Variants in HEATR4 observed in about 807,000 individuals in gnomAD.
HEATR4 encodes HEAT repeat-containing protein 4.
A neutral mutation model predicts 108.8 loss-of-function variants in HEATR4; 95 were observed. The observed-to-expected ratio is 0.87, with a 90% confidence interval of 0.74 to 1.04. The LOEUF (loss-of-function observed/expected upper bound fraction) is 1.04, where lower values mean the gene tolerates loss of function less well. Ranked by LOEUF, HEATR4 falls within the 50% of genes least tolerant of loss-of-function variation. HEATR4 has a pLI of 0.00. For synonymous variants in HEATR4, 443 were observed against 459.4 expected, an observed-to-expected ratio of 0.96 and a Z score of 0.46; for missense variants, 1,152 against 1,253.8, an observed-to-expected ratio of 0.92 and a Z score of 1.23.
intron 1 of HEATR4, among the ~76,000 whole-genome samples, chr14:73,533,446 AGG>A: frequency 8.7e-6 from 1 of 115,348 alleles, no homozygotes; most frequent in Admixed American, 9.8e-5. Context: ...TGGGAGGCCG[AGG>A]AGGGTAGATC....
intron 17 of HEATR4, chr14:73,491,439 G>A: frequency 3.6e-6 from 5 of 1,376,260 alleles, no homozygotes; most frequent in Non-Finnish European, 4.6e-6. Flanking sequence ...GCGCCGGTCC[G>A]GGTGGTGGAG....
intron 10 of HEATR4, 28 bp from the exon 11 acceptor site, chr14:73,503,041 C>G: frequency 1.3e-6 from 2 of 1,497,998 alleles, no homozygotes; most frequent in Non-Finnish European, 1.9e-6. Context: ...CATTAGGTAT[C>G]ATCACTTAAT....
chr14:73,500,222 T>A (rs1269993508), intron 12 of HEATR4, among the ~76,000 whole-genome samples: 1 of 151,104 alleles, frequency 6.6e-6, no homozygotes, highest in Admixed American at 6.6e-5. Flanking sequence ...AGAGCGAGAC[T>A]CCGTCTCAAA....
chr14:73,625,750 G>A, the HEATR4 span, among the ~76,000 whole-genome samples: 1 of 152,162 alleles, frequency 6.6e-6, no homozygotes, highest in Admixed American at 6.6e-5. Flanking sequence ...CACATAAGAT[G>A]GTGAACTTAA....
At chr14:73,600,194 A>G in the HEATR4 span, among the ~76,000 whole-genome samples, 17 of 152,090 alleles carry the variant, frequency 1.1e-4, no homozygotes, top group Non-Finnish European at 1.9e-4. Context: ...GCCTGTAGCA[A>G]CTCTGAAACA....
At chr14:73,485,868 C>CAAA (rs60903942) in intron 17 of HEATR4, among the ~76,000 whole-genome samples, 58 of 146,498 alleles carry the variant, frequency 4.0e-4, no homozygotes, top group Non-Finnish European at 5.7e-4. Flanking sequence ...GACTCTGTCT[C>CAAA]AAAAAAAAAA....
the HEATR4 span, among the ~76,000 whole-genome samples, chr14:73,633,005 C>T: frequency 3.5e-3 from 221 of 63,494 alleles, 2 homozygotes; most frequent in Admixed American, 5.8e-3. Context: ...CTCTCTCTCT[C>T]TCTTTTTTTT....
chr14:73,561,649 A>G (rs1889532803), upstream of HEATR4, among the ~76,000 whole-genome samples: 1 of 151,686 alleles, frequency 6.6e-6, no homozygotes, highest in Admixed American at 6.6e-5. Context: ...GCACCACTCC[A>G]CCCCAGCCGG....
chr14:73,587,357 C>CTTT, the HEATR4 span, among the ~76,000 whole-genome samples: 1 of 147,496 alleles, frequency 6.8e-6, no homozygotes. Context: ...GCAACATCCA[C>CTTT]TTTTTTTTTT....
At chr14:73,569,702 G>T in the HEATR4 span, 10 of 1,609,488 alleles carry the variant, frequency 6.2e-6, no homozygotes, top group Non-Finnish European at 8.5e-6. Context: ...CTTTGGTGCG[G>T]CTGGTGAAGC....
chr14:73,589,926 G>A, the HEATR4 span, among the ~76,000 whole-genome samples: 1 of 152,140 alleles, frequency 6.6e-6, no homozygotes, highest in Non-Finnish European at 1.5e-5. Flanking sequence ...CGGCATGTCT[G>A]GAGTTGTTCG....
At chr14:73,614,682 G>A in the HEATR4 span, among the ~76,000 whole-genome samples, 1 of 151,032 alleles carries the variant, frequency 6.6e-6, no homozygotes, top group East Asian at 1.9e-4. Context: ...GGGAGGCTGA[G>A]GTTGCAGTGA....
the HEATR4 span, among the ~76,000 whole-genome samples, chr14:73,583,630 C>CA: frequency 6.6e-6 from 1 of 152,094 alleles, no homozygotes; most frequent in African/African-American, 2.4e-5. Flanking sequence ...CCTGATGATC[C>CA]ACAGCTGTTA....
the HEATR4 span, chr14:73,596,644 G>T: frequency 6.6e-6 from 1 of 152,060 alleles, no homozygotes; most frequent in Non-Finnish European, 1.5e-5. Context: ...TGTTGCCCAG[G>T]CTGGAGTGCA....
chr14:73,499,256 G>C, intron 12 of HEATR4, 116 bp from the exon 13 acceptor site: 1 of 843,916 alleles, frequency 1.2e-6, no homozygotes, highest in East Asian at 2.5e-5. Context: ...CAAGGTGGGC[G>C]GATCACTTGA....
chr14:73,614,738 C>T, the HEATR4 span, among the ~76,000 whole-genome samples: 1 of 112,842 alleles, frequency 8.9e-6, no homozygotes, highest in Non-Finnish European at 1.8e-5. Context: ...CAGAGCGAGA[C>T]CCTGTCTCAA....
chr14:73,583,418 T>A, the HEATR4 span, among the ~76,000 whole-genome samples: 2 of 151,274 alleles, frequency 1.3e-5, no homozygotes, highest in African/African-American at 4.9e-5. Flanking sequence ...AACCAATCAA[T>A]AAGCCCAATT....
At position 73,557,804 on chromosome 14, in the gene HEATR4, C is replaced by T. The variant is rs1889422924; in HGVS notation, c.-152+947G>A. On this transcript the variant is annotated intron_variant, in intron 1 of 17. Transcript: ENST00000553558. The stretch of plus-strand genomic sequence containing the variant: ...TCCCAGGCTCAAGCAATCCTCCTGC[C>T]TCAGCGTCCCCAGTAGCTGGGACCA... 3.6e-5 allele frequency among the ~76,000 whole-genome samples: 3 copies of T among 82,368 alleles called. 1 individual carries two copies. Among genetic ancestry groups the T allele is most frequent in the African/African-American group, 1.2e-4 (3 of 25,400 alleles). The allele number at this position is 82,368 out of a possible 152,430, so 54.0% of individuals were successfully genotyped here. A position where few individuals can be genotyped will look rare whatever the true frequency, so the allele number is the denominator to read the frequency against.
rs200061659 is a variant in HEATR4, at chr14:73,492,870, A to G, written c.2844+196T>C. 3.1e-4 allele frequency: 506 copies of G among 1,613,864 alleles called. No individual in the cohort carries two copies. The highest frequency in any genetic ancestry group is 4.0e-4 in the Non-Finnish European group (473 of 1,179,856). On this transcript the variant is annotated intron_variant, in intron 17 of 17. Coordinates refer to ENST00000553558, the MANE Select transcript of HEATR4 (RefSeq NM_001220484.1). This position sits in a 1 kb window ranked among gnomAD's most constrained non-coding sequence, Gnocchi z 4.9. ...GACCTGCCCTGTGACAGTGTGGAGGACCAGCTGTCCTTGGCAACCACGTTG... is the reference window on the plus strand; with the variant it reads ...GACCTGCCCTGTGACAGTGTGGAGGGCCAGCTGTCCTTGGCAACCACGTTG...
Sources: allele counts gnomAD v4.1 joint callset (sites outside exome capture counted in the v4.1 genomes callset), GRCh38; gene constraint gnomAD v4.1.1; non-coding constraint Gnocchi (gnomAD v3.1); transcripts MANE v1.5; gene names NCBI Gene and HGNC (gene_info 2026-07-23, HGNC 2026-07-21).